Variants in PPP5C observed in about 807,000 individuals in gnomAD.
PPP5C encodes protein phosphatase 5 catalytic subunit, also known as serine/threonine-protein phosphatase 5.
A neutral mutation model predicts 66.7 loss-of-function variants in PPP5C; 21 were observed. The observed-to-expected ratio is 0.31, with a 90% confidence interval of 0.22 to 0.45. The LOEUF (loss-of-function observed/expected upper bound fraction) is 0.45, where lower values mean the gene tolerates loss of function less well. PPP5C is among the 20% of genes least tolerant of loss of function. PPP5C has a pLI of 1.00. For missense variants in PPP5C, 464 were observed against 675.9 expected (o/e 0.69, Z 3.48); for synonymous variants, 246 against 257.4 (o/e 0.96, Z 0.43).
At chr19:46,372,318 GC>G (rs1322572202) in intron 2 of PPP5C, among the ~76,000 whole-genome samples, 2 of 151,910 alleles carry the variant, frequency 1.3e-5, no homozygotes, top group Non-Finnish European at 2.9e-5. Context: ...TCCCACCTCA[GC>G]CCCCCAAAGT....
chr19:46,390,700 G>C lies in PPP5C; in HGVS notation c.*354G>C. 1 of 1,192,938 alleles carries C rather than the reference G, an allele frequency of 8.4e-7. No homozygotes were observed. Among genetic ancestry groups the C allele is most frequent in the Non-Finnish European group, 1.1e-6 (1 of 948,138 alleles). The allele number at this position is 1,192,938 out of a possible 1,614,324, so 73.9% of individuals were successfully genotyped here. A position where few individuals can be genotyped will look rare whatever the true frequency, so the allele number is the denominator to read the frequency against. ...ACTCAAGCAATAGGGCCCCGCCATA[G>C]GAAGACCCCCAGAGAGAGGGTCAGC... On this transcript the variant is annotated 3_prime_UTR_variant, in exon 13 of 13. Transcript: ENST00000012443.
At chr19:46,365,263 G>T (rs1283737742) in intron 2 of PPP5C, among the ~76,000 whole-genome samples, 1 of 152,132 alleles carries the variant, frequency 6.6e-6, no homozygotes, top group Non-Finnish European at 1.5e-5. Flanking sequence ...GATTACAAGC[G>T]TGAGCCACCA....
chr19:46,376,817 C>T lies in PPP5C; in HGVS notation c.633+243C>T. ...TGCAGGGACAAAGGGCCAGAGAGGT[C>T]AGGTGACTGGCCCAGGGTGAAAGGT... is the stretch of plus-strand genomic sequence containing the variant. On this transcript the variant is annotated intron_variant, in intron 4 of 12. Transcript: ENST00000012443. The surrounding 1 kb of genome is among the most constrained non-coding windows in gnomAD (Gnocchi z 5.1). 1 of 454,670 alleles carries T rather than the reference C, an allele frequency of 2.2e-6. No individual in the cohort carries two copies. Among genetic ancestry groups the T allele is most frequent in the East Asian group, 4.5e-5 (1 of 22,184 alleles). The allele number at this position is 454,670 out of a possible 1,614,324, so 28.2% of individuals were successfully genotyped here.
intron 2 of PPP5C, among the ~76,000 whole-genome samples, chr19:46,364,468 A>G (rs1245513363): frequency 1.3e-5 from 2 of 152,174 alleles, no homozygotes; most frequent in Non-Finnish European, 2.9e-5. Flanking sequence ...TTAAACAGAT[A>G]GCAAACCTAT....
chr19:46,359,337 T>G (rs1972341527), intron 2 of PPP5C, among the ~76,000 whole-genome samples: 1 of 152,086 alleles, frequency 6.6e-6, no homozygotes, highest in Non-Finnish European at 1.5e-5. Context: ...ACAAGAAGAT[T>G]AGTAATTTAA....
chr19:46,372,641 G>A (rs1769941937), intron 2 of PPP5C, among the ~76,000 whole-genome samples: 1 of 152,222 alleles, frequency 6.6e-6, no homozygotes, highest in African/African-American at 2.4e-5. Flanking sequence ...TTACCCATGA[G>A]TACTCGCTGA....
chr19:46,388,775 G>C lies in PPP5C; in HGVS notation c.1355+44G>C. 1 of 1,581,926 alleles carries C rather than the reference G, an allele frequency of 6.3e-7. No individual in the cohort carries two copies. The highest frequency in any genetic ancestry group is 8.6e-7 in the Non-Finnish European group (1 of 1,162,534). ...AGCCCAGGGCCTCTACCAAGCCACG[G>C]GTTTTTGTCTTGGTTTTTGTTTTGC... On this transcript the variant is annotated intron_variant, in intron 11 of 12. Coordinates refer to ENST00000012443, the MANE Select transcript of PPP5C (RefSeq NM_006247.4). The surrounding 1 kb of genome is among the most constrained non-coding windows in gnomAD (Gnocchi z 4.9).
At chr19:46,356,445 A>T (rs1165932807) in intron 2 of PPP5C, among the ~76,000 whole-genome samples, 1 of 152,218 alleles carries the variant, frequency 6.6e-6, no homozygotes, top group Non-Finnish European at 1.5e-5. Flanking sequence ...GAAGCAGAGC[A>T]AAGACGTGAC....
At chr19:46,379,802 C>A (rs1373125244) in intron 4 of PPP5C, among the ~76,000 whole-genome samples, 1 of 152,206 alleles carries the variant, frequency 6.6e-6, no homozygotes. Context: ...CTTAGGCATC[C>A]ATTATATCCG....
chr19:46,360,031 G>A (rs1046078363), intron 2 of PPP5C, among the ~76,000 whole-genome samples: 5 of 152,048 alleles, frequency 3.3e-5, no homozygotes, highest in African/African-American at 9.7e-5. Context: ...CACCTGCCTC[G>A]GCCTCACAGA....
intron 4 of PPP5C, among the ~76,000 whole-genome samples, chr19:46,379,245 G>A (rs1221980764): frequency 6.6e-6 from 1 of 152,184 alleles, no homozygotes; most frequent in Non-Finnish European, 1.5e-5. Context: ...GTAGAGATGG[G>A]ATTGTACCAT....
rs1972702452 is a variant in PPP5C at position 46,376,670 on chromosome 19, CG to C, written c.633+98del. The C allele has an allele frequency of 6.6e-7, 1 of 1,513,252 alleles. No homozygotes were observed. The highest frequency in any genetic ancestry group is 8.9e-7 in the Non-Finnish European group (1 of 1,117,416). 93.7% of individuals were successfully genotyped at this position (1,513,252 alleles called of 1,614,324 possible). On this transcript the variant is annotated intron_variant, in intron 4 of 12. Transcript: ENST00000012443. This position sits in a 1 kb window ranked among gnomAD's most constrained non-coding sequence, Gnocchi z 5.1. ...ACTGAGCAAAACGACAGGAGAAGGG[CG>C]GCCATGACAGCCAACACCAAACAGG...
Position 46,390,540 on chromosome 19 carries a change from C to T in PPP5C, c.*194C>T, listed in dbSNP as rs1973000993. On this transcript the variant is annotated 3_prime_UTR_variant, in exon 13 of 13. Coordinates refer to ENST00000012443, the MANE Select transcript of PPP5C (RefSeq NM_006247.4). ...TCAGGGGCTGGCCAGAGGGTCTGCTCCCTGGACAGAGAGGAAGGAGGTGGA... is the reference window on the plus strand; with the variant it reads ...TCAGGGGCTGGCCAGAGGGTCTGCTTCCTGGACAGAGAGGAAGGAGGTGGA... 1 of 1,428,962 alleles carries T rather than the reference C, an allele frequency of 7.0e-7. No individual in the cohort carries two copies. The highest frequency in any genetic ancestry group is 9.2e-7 in the Non-Finnish European group (1 of 1,091,740). The allele number at this position is 1,428,962 out of a possible 1,614,324, so 88.5% of individuals were successfully genotyped here.
intron 4 of PPP5C, among the ~76,000 whole-genome samples, chr19:46,377,826 G>A (rs996998885): frequency 3.3e-5 from 5 of 152,218 alleles, no homozygotes; most frequent in East Asian, 1.9e-4. Flanking sequence ...TGTGTATATC[G>A]GTAGCTCAAG....
At chr19:46,373,669 T>A (rs1468056059) in intron 2 of PPP5C, among the ~76,000 whole-genome samples, 1 of 151,998 alleles carries the variant, frequency 6.6e-6, no homozygotes. Flanking sequence ...GGAAATTCAT[T>A]GACTGCTGCA....
At chr19:46,351,720 C>T (rs989723252) in intron 1 of PPP5C, among the ~76,000 whole-genome samples, 9 of 152,334 alleles carry the variant, frequency 5.9e-5, no homozygotes, top group East Asian at 1.9e-4. Flanking sequence ...CTGGGCTGCC[C>T]AGTTCTGCCC....
At chr19:46,380,986 A>G (rs1972780882) in intron 4 of PPP5C, among the ~76,000 whole-genome samples, 1 of 152,194 alleles carries the variant, frequency 6.6e-6, no homozygotes, top group Admixed American at 6.5e-5. Flanking sequence ...CTGGAAAGCT[A>G]ATAACATGCT....
chr19:46,351,146 G>T (rs1601409202), intron 1 of PPP5C, among the ~76,000 whole-genome samples: 1 of 152,178 alleles, frequency 6.6e-6, no homozygotes, highest in African/African-American at 2.4e-5. Context: ...GGAGGAAGCA[G>T]GCCATGGTTG....
intron 9 of PPP5C, 53 bp downstream of exon 9, chr19:46,387,506 G>A (rs993984053): frequency 6.2e-7 from 1 of 1,613,558 alleles, no homozygotes; most frequent in African/African-American, 1.3e-5. Flanking sequence ...CCTGGGCTGA[G>A]CTCTCCCCTG....
Sources: allele counts gnomAD v4.1 joint callset (sites outside exome capture counted in the v4.1 genomes callset), GRCh38; gene constraint gnomAD v4.1.1; non-coding constraint Gnocchi (gnomAD v3.1); transcripts MANE v1.5; gene names NCBI Gene and HGNC (gene_info 2026-07-23, HGNC 2026-07-21).